Variants in SRD5A2 observed in about 807,000 individuals in gnomAD.
SRD5A2 encodes 3-oxo-5-alpha-steroid 4-dehydrogenase 2.
A neutral mutation model predicts 27.4 loss-of-function variants in SRD5A2; 30 were observed. That is an observed-to-expected ratio of 1.10 (90% CI 0.82 to 1.49). The LOEUF is 1.49. Among genes scored for constraint, SRD5A2 ranks in the 40% most tolerant of loss-of-function variants. The pLI is 0.00. For missense variants in SRD5A2, 348 were observed against 323.4 expected (o/e 1.08, Z -0.58); for synonymous variants, 141 against 133.6 (o/e 1.06, Z -0.38).
the SRD5A2 span, among the ~76,000 whole-genome samples, chr2:31,608,254 G>A: frequency 6.6e-6 from 1 of 151,932 alleles, no homozygotes; most frequent in Non-Finnish European, 1.5e-5. Context: ...TAAGTGGTAA[G>A]ATTTCTATTT....
chr2:31,626,183 C>T, the SRD5A2 span, among the ~76,000 whole-genome samples: 1 of 152,110 alleles, frequency 6.6e-6, no homozygotes, highest in African/African-American at 2.4e-5. Context: ...TATAAGAATG[C>T]TTGTGATTTT....
chr2:31,578,278 GT>G (rs577524554), intron 1 of SRD5A2, among the ~76,000 whole-genome samples: 10 of 152,140 alleles, frequency 6.6e-5, no homozygotes, highest in African/African-American at 1.9e-4. Flanking sequence ...AATAAATATA[GT>G]TTTTAAAAAG....
At chr2:31,543,633 G>T (rs1056832432) in intron 1 of SRD5A2, among the ~76,000 whole-genome samples, 4 of 152,074 alleles carry the variant, frequency 2.6e-5, no homozygotes, top group South Asian at 2.1e-4. Context: ...AAAGAGAGAT[G>T]GGAAGGAGCT....
chr2:31,550,635 A>T (rs1666364390), intron 1 of SRD5A2, among the ~76,000 whole-genome samples: 1 of 151,962 alleles, frequency 6.6e-6, no homozygotes, highest in African/African-American at 2.4e-5. Flanking sequence ...ATAAAAAAAG[A>T]GAAATAACCT....
At chr2:31,606,509 T>A in the SRD5A2 span, among the ~76,000 whole-genome samples, 4 of 151,890 alleles carry the variant, frequency 2.6e-5, no homozygotes, top group African/African-American at 9.7e-5. Flanking sequence ...CCTTGTTCTT[T>A]CCCCATGCAG....
chr2:31,538,701 T>G lies in SRD5A2; in HGVS notation c.282-4935A>C, dbSNP rs1012648035. On this transcript the variant is annotated intron_variant, in intron 1 of 4. Transcript: ENST00000622030. ...GTCCATCTCACTGCAGCCACTCTGC[T>G]CAAATGTTAGCTTCCCTGACCACCT... Among the ~76,000 whole-genome samples, 31 of 152,346 alleles carry G rather than the reference T, an allele frequency of 2.0e-4. 1 individual carries two copies. The highest frequency in any genetic ancestry group is 6.7e-4 in the African/African-American group (28 of 41,580).
chr2:31,608,921 A>T, the SRD5A2 span, among the ~76,000 whole-genome samples: 1 of 152,058 alleles, frequency 6.6e-6, no homozygotes, highest in East Asian at 1.9e-4. Flanking sequence ...GTGGAAATAC[A>T]GTCTTTAGGA....
At chr2:31,595,044 G>C in the SRD5A2 span, among the ~76,000 whole-genome samples, 1 of 152,026 alleles carries the variant, frequency 6.6e-6, no homozygotes, top group African/African-American at 2.4e-5. Context: ...CGAAACCTCT[G>C]GGATACAGCA....
chr2:31,629,477 C>G, the SRD5A2 span, among the ~76,000 whole-genome samples: 1 of 152,182 alleles, frequency 6.6e-6, no homozygotes, highest in East Asian at 1.9e-4. Context: ...GAGGAAAACA[C>G]TGGGCACCCA....
upstream of SRD5A2, among the ~76,000 whole-genome samples, chr2:31,584,164 T>C (rs1306123736): frequency 6.6e-6 from 1 of 152,152 alleles, no homozygotes; most frequent in Non-Finnish European, 1.5e-5. Context: ...ATGAAAGATG[T>C]GTTAGAGTCA....
chr2:31,616,364 C>T, the SRD5A2 span, among the ~76,000 whole-genome samples: 24 of 152,248 alleles, frequency 1.6e-4, no homozygotes, highest in Middle Eastern at 0.014. Context: ...TTGCAGCGTG[C>T]ACCTGGAAAA....
the SRD5A2 span, among the ~76,000 whole-genome samples, chr2:31,639,217 C>T: frequency 6.6e-6 from 1 of 152,028 alleles, no homozygotes; most frequent in South Asian, 2.1e-4. Context: ...AAATTCTACG[C>T]TTTAACTCCA....
At chr2:31,604,493 C>G in the SRD5A2 span, among the ~76,000 whole-genome samples, 5 of 151,804 alleles carry the variant, frequency 3.3e-5, no homozygotes, top group Non-Finnish European at 5.9e-5. Context: ...AATTCAGTAA[C>G]ATTTCTATAT....
chr2:31,647,612 AAAAT>A, the SRD5A2 span, among the ~76,000 whole-genome samples: 1 of 152,318 alleles, frequency 6.6e-6, no homozygotes, highest in African/African-American at 2.4e-5. Context: ...AATGCAGTGA[AAAAT>A]AACCCCCTCT....
chr2:31,601,846 TA>T, the SRD5A2 span, among the ~76,000 whole-genome samples: 1 of 151,834 alleles, frequency 6.6e-6, no homozygotes, highest in Non-Finnish European at 1.5e-5. Flanking sequence ...GGGCCTTCAA[TA>T]AAATTCAACA....
chr2:31,595,716 T>C, the SRD5A2 span, among the ~76,000 whole-genome samples: 1 of 152,120 alleles, frequency 6.6e-6, no homozygotes, highest in African/African-American at 2.4e-5. Flanking sequence ...AAGCCAGTAT[T>C]ACCCTATCAC....
the SRD5A2 span, among the ~76,000 whole-genome samples, chr2:31,655,397 A>G: frequency 1.3e-5 from 2 of 152,212 alleles, no homozygotes; most frequent in Non-Finnish European, 2.9e-5. Context: ...CACTGCACCC[A>G]GCCTGAAATG....
chr2:31,600,550 C>T, the SRD5A2 span, among the ~76,000 whole-genome samples: 1 of 151,952 alleles, frequency 6.6e-6, no homozygotes, highest in East Asian at 1.9e-4. Flanking sequence ...GAGATGGTAT[C>T]TCGTTTTGAT....
At chr2:31,562,615 C>G (rs1291456024) in intron 1 of SRD5A2, among the ~76,000 whole-genome samples, 1 of 152,002 alleles carries the variant, frequency 6.6e-6, no homozygotes, top group Non-Finnish European at 1.5e-5. Flanking sequence ...AAGTTTCCAC[C>G]TACATTTAAA....
Sources: allele counts gnomAD v4.1 joint callset (sites outside exome capture counted in the v4.1 genomes callset), GRCh38; gene constraint gnomAD v4.1.1; transcripts MANE v1.5; gene names NCBI Gene and HGNC (gene_info 2026-07-23, HGNC 2026-07-21).